Variants in ENTREP2 observed in about 807,000 individuals in gnomAD.
ENTREP2 encodes protein ENTREP2.
chr15:29,596,080 G>A, the ENTREP2 span, among the ~76,000 whole-genome samples: 25 of 152,090 alleles, frequency 1.6e-4, no homozygotes, highest in African/African-American at 5.8e-4. Flanking sequence ...TTGCTACTGG[G>A]GAGTCATTGC....
the ENTREP2 span, among the ~76,000 whole-genome samples, chr15:29,131,240 C>A: frequency 1.3e-5 from 2 of 151,990 alleles, no homozygotes; most frequent in East Asian, 1.9e-4. Context: ...GCTGGTGGCT[C>A]AAGGCAAACT....
chr15:29,258,889 G>T, the ENTREP2 span, among the ~76,000 whole-genome samples: 354 of 152,238 alleles, frequency 2.3e-3, 3 homozygotes, highest in Non-Finnish European at 3.4e-3. Flanking sequence ...TGTCTTCAAG[G>T]TTCATCCATA....
chr15:29,412,991 A>C, the ENTREP2 span, among the ~76,000 whole-genome samples: 5 of 152,024 alleles, frequency 3.3e-5, no homozygotes, highest in African/African-American at 1.2e-4. Context: ...CTAGGTACCT[A>C]AGGCTATTCA....
At chr15:29,668,407 C>G in the ENTREP2 span, among the ~76,000 whole-genome samples, 1 of 152,180 alleles carries the variant, frequency 6.6e-6, no homozygotes, top group South Asian at 2.1e-4. Context: ...AATTCCACTC[C>G]TAGGTATACC....
the ENTREP2 span, among the ~76,000 whole-genome samples, chr15:29,672,751 G>A: frequency 2.6e-5 from 4 of 152,126 alleles, no homozygotes; most frequent in African/African-American, 9.7e-5. Flanking sequence ...GGGTTTTTAA[G>A]GATAATTTGG....
the ENTREP2 span, among the ~76,000 whole-genome samples, chr15:29,563,346 T>A: frequency 6.6e-6 from 1 of 152,212 alleles, no homozygotes; most frequent in Non-Finnish European, 1.5e-5. Flanking sequence ...TCACCTTCTT[T>A]TTTTTATTAT....
At chr15:29,624,348 C>G in the ENTREP2 span, among the ~76,000 whole-genome samples, 1 of 152,140 alleles carries the variant, frequency 6.6e-6, no homozygotes, top group Non-Finnish European at 1.5e-5. Flanking sequence ...CACACACACA[C>G]ACGTACAATA....
At chr15:29,401,466 C>T in the ENTREP2 span, among the ~76,000 whole-genome samples, 80 of 151,978 alleles carry the variant, frequency 5.3e-4, no homozygotes, top group Non-Finnish European at 3.7e-4. Flanking sequence ...TTTTTTTCAA[C>T]GAGACTGGAA....
chr15:29,666,176 A>G, the ENTREP2 span, among the ~76,000 whole-genome samples: 1 of 151,914 alleles, frequency 6.6e-6, no homozygotes, highest in Non-Finnish European at 1.5e-5. Flanking sequence ...TTTGTGAAAA[A>G]AAAAATTATT....
At chr15:29,654,633 T>C in the ENTREP2 span, among the ~76,000 whole-genome samples, 1 of 152,232 alleles carries the variant, frequency 6.6e-6, no homozygotes, top group Non-Finnish European at 1.5e-5. Flanking sequence ...TCCATATCTC[T>C]ATGTAAGGTA....
At chr15:29,209,729 T>C in the ENTREP2 span, among the ~76,000 whole-genome samples, 1 of 151,954 alleles carries the variant, frequency 6.6e-6, no homozygotes, top group African/African-American at 2.4e-5. Flanking sequence ...GTGGGCTTCT[T>C]CCAAGACTCA....
the ENTREP2 span, among the ~76,000 whole-genome samples, chr15:29,656,177 G>A: frequency 2.0e-5 from 3 of 151,574 alleles, no homozygotes; most frequent in South Asian, 4.2e-4. Context: ...CAAAAATTGA[G>A]AGAATGCATT....
the ENTREP2 span, among the ~76,000 whole-genome samples, chr15:29,615,609 G>A: frequency 4.6e-5 from 7 of 152,124 alleles, no homozygotes; most frequent in Non-Finnish European, 1.0e-4. Flanking sequence ...TATGTGGGAA[G>A]GTGTGTTCCC....
At chr15:29,130,052 G>A in the ENTREP2 span, among the ~76,000 whole-genome samples, 1 of 152,088 alleles carries the variant, frequency 6.6e-6, no homozygotes, top group Non-Finnish European at 1.5e-5. Context: ...TCAGATAGCT[G>A]GTCTCCTTCA....
chr15:29,244,831 T>C, the ENTREP2 span, among the ~76,000 whole-genome samples: 20 of 152,106 alleles, frequency 1.3e-4, no homozygotes, highest in African/African-American at 4.8e-4. Flanking sequence ...GCTCAGCAAA[T>C]GGGGAGATTT....
At chr15:29,342,400 A>G in the ENTREP2 span, among the ~76,000 whole-genome samples, 15 of 152,216 alleles carry the variant, frequency 9.9e-5, no homozygotes, top group Non-Finnish European at 2.2e-4. Flanking sequence ...AGTGCTTCCC[A>G]GAGATTCTTG....
chr15:29,153,469 GA>G, the ENTREP2 span, among the ~76,000 whole-genome samples: 1 of 152,116 alleles, frequency 6.6e-6, no homozygotes, highest in African/African-American at 2.4e-5. Flanking sequence ...GAGGGCAGGG[GA>G]GCTCTCTGGT....
At chr15:29,295,273 G>A in the ENTREP2 span, among the ~76,000 whole-genome samples, 4 of 152,238 alleles carry the variant, frequency 2.6e-5, no homozygotes, top group African/African-American at 4.8e-5. Context: ...ATGGGCAGCT[G>A]GAGTGGGAGA....
the ENTREP2 span, among the ~76,000 whole-genome samples, chr15:29,646,395 G>C: frequency 6.6e-6 from 1 of 152,198 alleles, no homozygotes; most frequent in African/African-American, 2.4e-5. Context: ...GTTCCATACA[G>C]TTGTAGGACT....
Sources: allele counts gnomAD v4.1 joint callset (sites outside exome capture counted in the v4.1 genomes callset), GRCh38; gene constraint gnomAD v4.1.1; transcripts MANE v1.5; gene names NCBI Gene and HGNC (gene_info 2026-07-23, HGNC 2026-07-21).